UVRAG: variants seen among roughly 807,000 people sequenced by gnomAD.
UVRAG encodes the protein UV radiation resistance-associated gene protein.
Under a neutral mutation model 78.0 loss-of-function variants are expected in UVRAG, and 19 were observed. The ratio of observed to expected loss-of-function variants is 0.24; its 90% CI spans 0.17 to 0.36. The LOEUF is 0.36. Ranked by LOEUF, UVRAG falls within the 10% of genes least tolerant of loss-of-function variation. The pLI is 1.00. For synonymous variants in UVRAG, 323 were observed against 324.6 expected (o/e 1.00, Z 0.05); for missense variants, 740 against 853.8 (o/e 0.87, Z 1.66).
At chr11:76,050,265 CAAGA>C (rs1330159407) in intron 12 of UVRAG, among the ~76,000 whole-genome samples, 1 of 152,130 alleles carries the variant, frequency 6.6e-6, no homozygotes, top group African/African-American at 2.4e-5. Context: ...ATATTAAAAC[CAAGA>C]AAGAAAGAGT....
intron 12 of UVRAG, among the ~76,000 whole-genome samples, chr11:76,060,720 C>T (rs1011704861): frequency 6.6e-6 from 1 of 152,208 alleles, no homozygotes; most frequent in Non-Finnish European, 1.5e-5. Flanking sequence ...CAGTGGCTGC[C>T]GAGGGTGTGC....
At chr11:76,025,018 A>G (rs1020570190) in intron 12 of UVRAG, among the ~76,000 whole-genome samples, 7 of 152,170 alleles carry the variant, frequency 4.6e-5, no homozygotes, top group South Asian at 2.1e-4. Flanking sequence ...GTTAAAGTTC[A>G]AAGCTCTATT....
intron 7 of UVRAG, among the ~76,000 whole-genome samples, chr11:75,966,790 T>C (rs1206972036): frequency 6.6e-6 from 1 of 152,240 alleles, no homozygotes; most frequent in Non-Finnish European, 1.5e-5. Flanking sequence ...GCTCAAACTG[T>C]CATGCCTGCA....
At chr11:76,105,041 A>G (rs1457600404) in intron 13 of UVRAG, among the ~76,000 whole-genome samples, 1 of 152,224 alleles carries the variant, frequency 6.6e-6, no homozygotes, top group Non-Finnish European at 1.5e-5. Context: ...AATGGTATCA[A>G]TTAGAGGGTT....
intron 6 of UVRAG, among the ~76,000 whole-genome samples, chr11:75,954,153 C>G (rs1048137358): frequency 6.6e-6 from 1 of 152,090 alleles, no homozygotes; most frequent in African/African-American, 2.4e-5. Flanking sequence ...TTAGCTCTGT[C>G]TTGATGCAGC....
intron 14 of UVRAG, among the ~76,000 whole-genome samples, chr11:76,121,086 A>G (rs1346627578): frequency 1.3e-5 from 2 of 152,210 alleles, no homozygotes; most frequent in Non-Finnish European, 2.9e-5. Flanking sequence ...CTTCAAAGTT[A>G]TGTGACAGCT....
chr11:75,863,544 A>G (rs1418415784), intron 3 of UVRAG, among the ~76,000 whole-genome samples: 1 of 152,176 alleles, frequency 6.6e-6, no homozygotes, highest in Admixed American at 6.5e-5. Context: ...GTTCTGCATT[A>G]TTAGTATTGG....
chr11:76,018,250 G>T (rs113107939), intron 12 of UVRAG, among the ~76,000 whole-genome samples: 53 of 150,670 alleles, frequency 3.5e-4, no homozygotes, highest in African/African-American at 1.3e-3. Flanking sequence ...ACTCTCTCCT[G>T]TCCTGTTAGT....
chr11:76,011,935 T>C (rs534564657), intron 11 of UVRAG, among the ~76,000 whole-genome samples: 36 of 152,332 alleles, frequency 2.4e-4, no homozygotes, highest in African/African-American at 8.2e-4. Flanking sequence ...AAAACTTTTA[T>C]AGAGAAGATG....
intron 12 of UVRAG, among the ~76,000 whole-genome samples, chr11:76,057,807 A>T (rs1320989610): frequency 6.6e-6 from 1 of 151,894 alleles, no homozygotes; most frequent in Non-Finnish European, 1.5e-5. Flanking sequence ...ATAATTTAGT[A>T]TGGGTCTATA....
chr11:75,837,687 G>C (rs979600391), intron 1 of UVRAG: 1 of 151,734 alleles, frequency 6.6e-6, no homozygotes, highest in African/African-American at 2.4e-5. Context: ...ATCTGTAATT[G>C]GTTGAATCCA....
At chr11:75,958,578 GC>G (rs1327748994) in intron 6 of UVRAG, among the ~76,000 whole-genome samples, 1 of 152,164 alleles carries the variant, frequency 6.6e-6, no homozygotes, top group Non-Finnish European at 1.5e-5. Context: ...AACCATGTCT[GC>G]AGTTACTTCC....
chr11:76,019,231 T>G (rs899194624), intron 12 of UVRAG, among the ~76,000 whole-genome samples: 11 of 152,292 alleles, frequency 7.2e-5, no homozygotes, highest in Admixed American at 7.2e-4. Context: ...GATAGAAGTC[T>G]GAATTCCTTC....
intron 12 of UVRAG, among the ~76,000 whole-genome samples, chr11:76,052,147 C>G (rs543560918): frequency 6.6e-6 from 1 of 152,196 alleles, no homozygotes; most frequent in African/African-American, 2.4e-5. Flanking sequence ...ATCTGTCTAA[C>G]CCACTGGACT....
At chr11:75,883,703 G>A (rs1947007467) in intron 4 of UVRAG, among the ~76,000 whole-genome samples, 1 of 152,186 alleles carries the variant, frequency 6.6e-6, no homozygotes, top group Non-Finnish European at 1.5e-5. Flanking sequence ...ATAGAGAGCT[G>A]TGAGAGTCGT....
chr11:75,930,994 T>A (rs1948229081), intron 6 of UVRAG: 1 of 151,868 alleles, frequency 6.6e-6, no homozygotes, highest in East Asian at 1.9e-4. Flanking sequence ...TTTCCATTTT[T>A]AATTTCTTTT....
chr11:75,870,915 G>C (rs1946633408), intron 3 of UVRAG, among the ~76,000 whole-genome samples: 1 of 151,796 alleles, frequency 6.6e-6, no homozygotes, highest in African/African-American at 2.4e-5. Context: ...TGTTGCCCAG[G>C]CTGGAGTGCA....
At chr11:76,110,035 G>C (rs1952043259) in intron 13 of UVRAG, among the ~76,000 whole-genome samples, 1 of 152,060 alleles carries the variant, frequency 6.6e-6, no homozygotes, top group Non-Finnish European at 1.5e-5. Context: ...ATTTAAAAAA[G>C]TGAACAGTGT....
intron 1 of UVRAG, among the ~76,000 whole-genome samples, chr11:75,840,510 A>G (rs1945886545): frequency 6.6e-6 from 1 of 152,190 alleles, no homozygotes; most frequent in Admixed American, 6.5e-5. Context: ...AAATGTAGAA[A>G]GTTCAGAGTC....
Sources: allele counts gnomAD v4.1 joint callset (sites outside exome capture counted in the v4.1 genomes callset), GRCh38; gene constraint gnomAD v4.1.1; transcripts MANE v1.5; gene names NCBI Gene and HGNC (gene_info 2026-07-23, HGNC 2026-07-21).